Variants in CYP27C1 observed in about 807,000 individuals in gnomAD.
The protein encoded by CYP27C1 is cytochrome P450 family 27 subfamily C member 1, also known as cytochrome P450 27C1.
CYP27C1 carries 29 observed loss-of-function variants against 40.6 expected under a neutral mutation model. That is an observed-to-expected ratio of 0.71 (90% CI 0.53 to 0.97). CYP27C1 has a LOEUF of 0.97. Ranked by LOEUF, CYP27C1 falls within the 50% of genes least tolerant of loss-of-function variation. The pLI is 0.00. For synonymous variants in CYP27C1, 198 were observed against 186.8 expected (o/e 1.06, Z -0.49); for missense variants, 390 against 485.8 (o/e 0.80, Z 1.85).
chr2:127,202,084 A>T (rs957280268), intron 3 of CYP27C1, among the ~76,000 whole-genome samples: 2 of 142,606 alleles, frequency 1.4e-5, no homozygotes, highest in Non-Finnish European at 1.5e-5. Flanking sequence ...GATGCATTCT[A>T]TTTTTTTTTT....
chr2:127,202,128 CTT>C (rs1336482727), intron 3 of CYP27C1, among the ~76,000 whole-genome samples: 4 of 138,454 alleles, frequency 2.9e-5, no homozygotes, highest in East Asian at 2.1e-4. Context: ...GACCAACATG[CTT>C]TTTTTTTTTT....
At chr2:127,202,965 G>A (rs1394849870) in intron 3 of CYP27C1, among the ~76,000 whole-genome samples, 3 of 151,952 alleles carry the variant, frequency 2.0e-5, no homozygotes, top group Admixed American at 6.6e-5. Flanking sequence ...TCAGGAGTTC[G>A]AGACCAGCCT....
At chr2:127,204,521 G>GAA (rs1454535514) in intron 2 of CYP27C1, among the ~76,000 whole-genome samples, 1 of 28,746 alleles carries the variant, frequency 3.5e-5, no homozygotes, top group Non-Finnish European at 6.7e-5. Context: ...AAGAAGGAAA[G>GAA]AAAGAAAGAA....
intron 2 of CYP27C1, 34 bp from the exon 3 acceptor site, chr2:127,203,605 C>A: frequency 6.3e-7 from 1 of 1,577,210 alleles, no homozygotes; most frequent in Admixed American, 2.0e-5. Flanking sequence ...AATCATCTTA[C>A]TTACACTGAC....
At chr2:127,203,137 C>T (rs1483200096) in intron 3 of CYP27C1, among the ~76,000 whole-genome samples, 1 of 150,846 alleles carries the variant, frequency 6.6e-6, no homozygotes, top group African/African-American at 2.4e-5. Flanking sequence ...CATAGCACTC[C>T]AGCCTGGGTG....
chr2:127,214,825 A>G (rs577388747), intron 1 of CYP27C1, among the ~76,000 whole-genome samples: 1 of 127,048 alleles, frequency 7.9e-6, no homozygotes, highest in South Asian at 2.6e-4. Flanking sequence ...AGAGGAAATT[A>G]AAAAAAAAAA....
intron 8 of CYP27C1, among the ~76,000 whole-genome samples, chr2:127,190,890 G>C (rs747714964): frequency 7.0e-6 from 1 of 142,984 alleles, no homozygotes; most frequent in Non-Finnish European, 1.5e-5. Context: ...GAGTTGCAGC[G>C]ACCCGAGATT....
intron 5 of CYP27C1, among the ~76,000 whole-genome samples, chr2:127,199,154 G>T (rs1430183324): frequency 1.3e-5 from 2 of 152,198 alleles, no homozygotes; most frequent in African/African-American, 4.8e-5. Flanking sequence ...GGAAGTGGTG[G>T]CGGGCGCCTG....
chr2:127,191,023 A>T (rs113529900), intron 8 of CYP27C1, among the ~76,000 whole-genome samples: 18,598 of 151,456 alleles, frequency 0.12, 1,187 homozygotes, highest in African/African-American at 0.14. Flanking sequence ...AGGCAGGTGG[A>T]TCACTTGAGG....
rs543229199 is a variant in CYP27C1 at position 127,213,944 on chromosome 2, G to C, written c.282+6045C>G. On this transcript the variant is annotated intron_variant, in intron 1 of 8. Coordinates refer to ENST00000664447, the MANE Select transcript of CYP27C1 (RefSeq NM_001367502.1). The stretch of plus-strand genomic sequence containing the variant: ...AAGGTCTAATAGCTGGAATTTACAA[G>C]GAAATTGAACAAATTTACAAGAAAA... Among the ~76,000 whole-genome samples, 10 of 152,142 alleles carry C rather than the reference G, an allele frequency of 6.6e-5. No homozygotes were observed. The South Asian group carries it at 2.1e-3, about 32-fold the overall frequency.
chr2:127,206,118 G>A (rs1683221021), intron 1 of CYP27C1, among the ~76,000 whole-genome samples, 28 bp from the exon 2 acceptor site: 1 of 152,180 alleles, frequency 6.6e-6, no homozygotes, highest in Non-Finnish European at 1.5e-5. Flanking sequence ...AATCAAAAAA[G>A]GAAAAAATAC....
chr2:127,197,037 C>T (rs1682919777), intron 5 of CYP27C1, among the ~76,000 whole-genome samples: 1 of 152,186 alleles, frequency 6.6e-6, no homozygotes, highest in African/African-American at 2.4e-5. Flanking sequence ...AATTTGTTCC[C>T]TGGCTTCTAT....
chr2:127,191,090 T>TA (rs942578303), intron 8 of CYP27C1, among the ~76,000 whole-genome samples: 1 of 148,704 alleles, frequency 6.7e-6, no homozygotes, highest in Non-Finnish European at 1.5e-5. Context: ...TACTTAAAAA[T>TA]ACAAAAATTA....
At chr2:127,212,436 G>A (rs998186461) in intron 1 of CYP27C1, among the ~76,000 whole-genome samples, 2 of 152,148 alleles carry the variant, frequency 1.3e-5, no homozygotes, top group Admixed American at 6.5e-5. Context: ...CTGGCAAACC[G>A]AATCCAGCAA....
intron 5 of CYP27C1, 86 bp downstream of exon 5, chr2:127,199,290 G>A (rs763427735): frequency 1.6e-5 from 24 of 1,525,832 alleles, no homozygotes; most frequent in East Asian, 7.0e-5. Flanking sequence ...CCATCCTCCC[G>A]CTCCAAAAAA....
intron 8 of CYP27C1, among the ~76,000 whole-genome samples, chr2:127,190,345 T>TTC (rs1453161330): frequency 3.8e-5 from 5 of 132,226 alleles, no homozygotes; most frequent in Non-Finnish European, 6.3e-5. Flanking sequence ...TTTTTTTCTT[T>TTC]TTTTTTTTTT....
intron 1 of CYP27C1, among the ~76,000 whole-genome samples, chr2:127,210,215 C>T (rs976342472): frequency 2.0e-5 from 3 of 152,038 alleles, no homozygotes; most frequent in African/African-American, 7.2e-5. Context: ...CAATATTCAA[C>T]ATAGTTAAAG....
chr2:127,219,494 T>C lies in CYP27C1; in HGVS notation c.282+495A>G, dbSNP rs937247379. On this transcript the variant is annotated intron_variant, in intron 1 of 8. Transcript: ENST00000664447. This position sits in a 1 kb window ranked among gnomAD's most constrained non-coding sequence, Gnocchi z 8.7. ...CCCTGGAGACCCTGCCCGCCGCCTCTCTCGGGCTACCACTCTCCGAAACTC... is the reference window on the plus strand; with the variant it reads ...CCCTGGAGACCCTGCCCGCCGCCTCCCTCGGGCTACCACTCTCCGAAACTC... Among the ~76,000 whole-genome samples, 2 of 151,418 alleles carry C rather than the reference T, an allele frequency of 1.3e-5. No individual in the cohort carries two copies. Among genetic ancestry groups the C allele is most frequent in the South Asian group, 2.1e-4 (1 of 4,762 alleles).
In CYP27C1 at chr2:127,208,101, C is replaced by T. The variant is rs910628170; in HGVS notation, c.283-2011G>A. On this transcript the variant is annotated intron_variant, in intron 1 of 8. Transcript: ENST00000664447. The surrounding 1 kb of genome is among the most constrained non-coding windows in gnomAD (Gnocchi z 5.2). ...TAGTATGGGAGAGGGGCCAAGATGG[C>T]CAACTAGAAGCAGTGGTGCTCAGAG... Among the ~76,000 whole-genome samples, 1 of 152,152 alleles carries T rather than the reference C, an allele frequency of 6.6e-6. No homozygotes were observed. Among genetic ancestry groups the T allele is most frequent in the Non-Finnish European group, 1.5e-5 (1 of 68,026 alleles).
Sources: gnomAD v4.1 joint callset for allele counts (sites outside exome capture counted in the v4.1 genomes callset) on GRCh38, gnomAD v4.1.1 for gene constraint, Gnocchi (gnomAD v3.1) non-coding constraint, MANE v1.5 for transcripts, NCBI Gene and HGNC (gene_info 2026-07-23, HGNC 2026-07-21) for gene names.